The following SLC13A3 variants were observed in gnomAD, a reference collection of about 807,000 sequenced individuals.
SLC13A3 encodes solute carrier family 13 member 3.
In SLC13A3, 40 loss-of-function variants were observed where a neutral mutation model predicts 59.0. The observed-to-expected ratio is 0.68, with a 90% CI of 0.53 to 0.88. The LOEUF is 0.88. Ranked by LOEUF, SLC13A3 falls within the 40% of genes least tolerant of loss-of-function variation. The pLI, the probability that SLC13A3 is intolerant of heterozygous loss-of-function variation, is 0.00. For missense variants in SLC13A3, 699 were observed against 783.2 expected (o/e 0.89, Z 1.28); for synonymous variants, 317 against 330.3 (o/e 0.96, Z 0.44).
At chr20:46,678,659 C>G (rs2063139189) in intron 1 of SLC13A3, among the ~76,000 whole-genome samples, 1 of 152,198 alleles carries the variant, frequency 6.6e-6, no homozygotes, top group African/African-American at 2.4e-5. Context: ...TACATCTTCT[C>G]ACCTTCTAGG....
At chr20:46,672,695 A>G (rs1017329099), upstream of SLC13A3, among the ~76,000 whole-genome samples, 1 of 152,146 alleles carries the variant, frequency 6.6e-6, no homozygotes, top group African/African-American at 2.4e-5. Flanking sequence ...GGGCATGAAT[A>G]AGGCCACACA....
chr20:46,581,292 G>A (rs747019028), intron 9 of SLC13A3, among the ~76,000 whole-genome samples: 1 of 152,194 alleles, frequency 6.6e-6, no homozygotes, highest in Admixed American at 6.5e-5. Context: ...AACCATGGAT[G>A]GGCACCTGAC....
At chr20:46,623,134 G>C (rs2062633094) in intron 1 of SLC13A3, among the ~76,000 whole-genome samples, 1 of 152,058 alleles carries the variant, frequency 6.6e-6, no homozygotes, top group African/African-American at 2.4e-5. Flanking sequence ...CTGTTACCTG[G>C]GTGATCCTGA....
chr20:46,570,715 C>T (rs1245227401), intron 10 of SLC13A3, among the ~76,000 whole-genome samples: 3 of 152,112 alleles, frequency 2.0e-5, no homozygotes, highest in African/African-American at 7.2e-5. Context: ...TATGTCGAAT[C>T]GTTGTGAAGT....
At chr20:46,659,978 A>G (rs913595956) in intron 1 of SLC13A3, among the ~76,000 whole-genome samples, 7 of 152,132 alleles carry the variant, frequency 4.6e-5, no homozygotes, top group Non-Finnish European at 7.4e-5. Context: ...GAATATTTAC[A>G]CCATGAAATT....
intron 8 of SLC13A3, chr20:46,584,211 G>A (rs887853446): frequency 1.1e-5 from 11 of 985,198 alleles, no homozygotes; most frequent in African/African-American, 3.5e-5. Context: ...AAGCCCTCGG[G>A]GCAGGCACTT....
intron 1 of SLC13A3, among the ~76,000 whole-genome samples, chr20:46,642,841 A>G (rs1004241973): frequency 6.6e-6 from 1 of 152,192 alleles, no homozygotes; most frequent in Non-Finnish European, 1.5e-5. Context: ...GCAAAGGGCC[A>G]GGGGAGATAG....
chr20:46,576,639 T>C (rs914783315), intron 9 of SLC13A3, among the ~76,000 whole-genome samples: 3 of 152,164 alleles, frequency 2.0e-5, no homozygotes, highest in Admixed American at 1.3e-4. Context: ...TCAAATAATG[T>C]ACATGACACA....
rs551118388 is a variant in SLC13A3 at position 46,561,342 on chromosome 20, G to A, written c.1633-1144C>T. On this transcript the variant is annotated intron_variant, in intron 12 of 12. Transcript: ENST00000279027. ...CATGTCGTCAGGACCTCCTGAAGCTGTGTCACAGGCGTATGTCCTTAACTT... is the reference window on the plus strand; with the variant it reads ...CATGTCGTCAGGACCTCCTGAAGCTATGTCACAGGCGTATGTCCTTAACTT... Among the ~76,000 whole-genome samples the A allele has an allele frequency of 4.6e-5, 7 of 152,280 alleles. No individual in the cohort carries two copies. The East Asian group carries it at 1.4e-3, about 29-fold the overall frequency.
At chr20:46,656,239 A>C, upstream of SLC13A3, among the ~76,000 whole-genome samples, 1 of 143,448 alleles carries the variant, frequency 7.0e-6, no homozygotes, top group East Asian at 2.1e-4. Flanking sequence ...ACTGTACAGT[A>C]TATATTATAC....
chr20:46,622,868 G>C (rs1159167371), intron 1 of SLC13A3, among the ~76,000 whole-genome samples: 1 of 152,112 alleles, frequency 6.6e-6, no homozygotes, highest in Non-Finnish European at 1.5e-5. Flanking sequence ...CAAGTAACCA[G>C]AGGAACTTCC....
chr20:46,675,497 C>G (rs1373687238), intron 1 of SLC13A3, among the ~76,000 whole-genome samples: 1 of 150,378 alleles, frequency 6.6e-6, no homozygotes, highest in Non-Finnish European at 1.5e-5. Context: ...CTGCCCACCT[C>G]AGCCTCCCAA....
chr20:46,660,020 C>T (rs2063019635), intron 1 of SLC13A3, among the ~76,000 whole-genome samples: 4 of 152,126 alleles, frequency 2.6e-5, no homozygotes, highest in Admixed American at 2.6e-4. Flanking sequence ...GCTTTTCTTC[C>T]AGCAGCCAAT....
At chr20:46,606,604 C>T (rs1201230921) in intron 3 of SLC13A3, among the ~76,000 whole-genome samples, 2 of 152,070 alleles carry the variant, frequency 1.3e-5, no homozygotes, top group African/African-American at 2.4e-5. Context: ...TTTGGGAGGC[C>T]GAGGCTAGAG....
In SLC13A3 at chr20:46,626,016, C is replaced by T. The variant is rs139867478; in HGVS notation, c.112-12291G>A. Among the ~76,000 whole-genome samples the T allele has an allele frequency of 3.4e-4, 51 of 151,924 alleles. No homozygotes were observed. The East Asian group carries it at 4.1e-3, about 12-fold the overall frequency. On this transcript the variant is annotated intron_variant, in intron 1 of 12. Transcript: ENST00000279027. ...GTGACATCCTGTGAGTCCTTTTGTG[C>T]GATGTATTCATTCTGTACATGATAT...
chr20:46,670,740 C>T (rs1256111282), upstream of SLC13A3, among the ~76,000 whole-genome samples: 1 of 152,078 alleles, frequency 6.6e-6, no homozygotes, highest in Non-Finnish European at 1.5e-5. Flanking sequence ...CAACTGAGCC[C>T]AGTCAATCAT....
At chr20:46,604,221 T>C (rs935433589) in intron 3 of SLC13A3, among the ~76,000 whole-genome samples, 1 of 152,088 alleles carries the variant, frequency 6.6e-6, no homozygotes, top group African/African-American at 2.4e-5. Context: ...TGCTCCTTCC[T>C]TACCCAGCTC....
intron 8 of SLC13A3, 58 bp from the exon 9 acceptor site, chr20:46,583,727 G>A (rs2062162738): frequency 6.2e-7 from 1 of 1,603,518 alleles, no homozygotes; most frequent in South Asian, 1.1e-5. Flanking sequence ...GCCGAGGTTT[G>A]GCAGAATTGT....
intron 1 of SLC13A3, among the ~76,000 whole-genome samples, chr20:46,629,044 A>G (rs1421670603): frequency 6.6e-6 from 1 of 152,230 alleles, no homozygotes; most frequent in African/African-American, 2.4e-5. Flanking sequence ...CTGTGAAAGC[A>G]TTTTGAAGTG....
Sources: gnomAD v4.1 joint callset for allele counts (sites outside exome capture counted in the v4.1 genomes callset) on GRCh38, gnomAD v4.1.1 for gene constraint, MANE v1.5 for transcripts, NCBI Gene and HGNC (gene_info 2026-07-23, HGNC 2026-07-21) for gene names.